Variants in PROM1 observed in about 807,000 individuals in gnomAD.
PROM1 encodes prominin 1, also known as prominin-1.
Under a neutral mutation model 116.9 loss-of-function variants are expected in PROM1, and 105 were observed. That is an observed-to-expected ratio of 0.90 (90% CI 0.77 to 1.06). PROM1 has a LOEUF of 1.06. Ranked by LOEUF, PROM1 falls within the 50% of genes least tolerant of loss-of-function variation. The pLI, the probability that PROM1 is intolerant of heterozygous loss-of-function variation, is 0.00. For missense variants in PROM1, 1,122 were observed against 1,045.2 expected, an observed-to-expected ratio of 1.07 and a Z score of -1.01; for synonymous variants, 393 against 387.0, an observed-to-expected ratio of 1.02 and a Z score of -0.18.
At chr4:16,018,927 C>G (rs1190054747) in intron 8 of PROM1, among the ~76,000 whole-genome samples, 1 of 152,274 alleles carries the variant, frequency 6.6e-6, no homozygotes, top group East Asian at 1.9e-4. Flanking sequence ...TGGATTACGC[C>G]CAGATATATT....
rs1441713638 is a variant in PROM1, at chr4:15,996,617, G to A, written c.1682+1768C>T. Reference sequence around the variant, plus strand: ...TTGGCTACAGGAACTAATGACCATTGATTAATTAAATGTGTGCATATTTCA... The same window carrying A: ...TTGGCTACAGGAACTAATGACCATTAATTAATTAAATGTGTGCATATTTCA... On this transcript the variant is annotated intron_variant, in intron 15 of 27. Coordinates refer to ENST00000447510, the MANE Select transcript of PROM1 (RefSeq NM_006017.3). Among the ~76,000 whole-genome samples the A allele has an allele frequency of 2.6e-5, 4 of 152,154 alleles. No individual in the cohort carries two copies. In the East Asian group the frequency reaches 7.7e-4, roughly 29 times the overall value.
intron 14 of PROM1, among the ~76,000 whole-genome samples, chr4:15,999,113 T>C (rs1394295850): frequency 6.6e-6 from 1 of 152,154 alleles, no homozygotes; most frequent in Non-Finnish European, 1.5e-5. Context: ...GAATAGCTAA[T>C]ATACAGCCAT....
chr4:15,988,999 C>T (rs1345855691), intron 19 of PROM1, among the ~76,000 whole-genome samples: 1 of 152,130 alleles, frequency 6.6e-6, no homozygotes, highest in African/African-American at 2.4e-5. Flanking sequence ...ACACTTCTCT[C>T]CTTGATGGCT....
intron 2 of PROM1, among the ~76,000 whole-genome samples, chr4:16,060,321 T>TG (rs1184466963): frequency 4.6e-5 from 7 of 151,816 alleles, no homozygotes; most frequent in Non-Finnish European, 1.0e-4. Context: ...TTTTTTTTTT[T>TG]TCCTTTGGGA....
intron 5 of PROM1, 115 bp from the exon 6 acceptor site, chr4:16,025,427 TCCTCTCCCGCTGC>T (rs2149343537): frequency 7.6e-7 from 1 of 1,310,238 alleles, no homozygotes; most frequent in South Asian, 1.4e-5. Flanking sequence ...GACTGGCCTT[TCCTCTCCCGCTGC>T]CCTCTCCTCC....
At chr4:16,012,714 C>CA (rs1449628006) in intron 11 of PROM1, among the ~76,000 whole-genome samples, 1 of 151,382 alleles carries the variant, frequency 6.6e-6, no homozygotes, top group East Asian at 1.9e-4. Flanking sequence ...ACTAAAAATA[C>CA]AAAAAAATTA....
intron 2 of PROM1, 33 bp downstream of exon 2, chr4:16,075,654 T>C (rs1560626748): frequency 2.5e-6 from 4 of 1,570,874 alleles, no homozygotes; most frequent in South Asian, 2.3e-5. Flanking sequence ...CGTTTGGAGA[T>C]AAATCCTATC....
At chr4:16,017,905 T>TTTAC (rs1728800824) in intron 9 of PROM1, among the ~76,000 whole-genome samples, 1 of 152,234 alleles carries the variant, frequency 6.6e-6, no homozygotes, top group Admixed American at 6.5e-5. Flanking sequence ...TCTCAGAACT[T>TTTAC]CATGTAATCC....
chr4:16,042,981 G>A (rs564913621), intron 2 of PROM1, among the ~76,000 whole-genome samples: 17 of 152,272 alleles, frequency 1.1e-4, no homozygotes. Flanking sequence ...TTTGCTTTTG[G>A]AAACTATAGT....
intron 17 of PROM1, 76 bp downstream of exon 17, chr4:15,992,172 T>C (rs1416916130): frequency 9.5e-6 from 15 of 1,570,868 alleles, no homozygotes; most frequent in Non-Finnish European, 1.3e-5. Flanking sequence ...TAATAAAAAA[T>C]CAAAAGCAAA....
At chr4:15,998,283 G>A in intron 15 of PROM1, 102 bp downstream of exon 15, 2 of 1,423,152 alleles carry the variant, frequency 1.4e-6, no homozygotes, top group African/African-American at 1.5e-5. Flanking sequence ...TCTGAAACAT[G>A]AAAGTCATAT....
At chr4:16,065,500 C>T (rs1741316799) in intron 2 of PROM1, among the ~76,000 whole-genome samples, 1 of 152,170 alleles carries the variant, frequency 6.6e-6, no homozygotes, top group Non-Finnish European at 1.5e-5. Flanking sequence ...CACGGACTAG[C>T]CTGCCCTGTG....
At chr4:16,007,483 A>G (rs755286991) in intron 12 of PROM1, among the ~76,000 whole-genome samples, 1 of 152,230 alleles carries the variant, frequency 6.6e-6, no homozygotes, top group Non-Finnish European at 1.5e-5. Context: ...ACCAAGCAGC[A>G]CCACTGAAGC....
intron 2 of PROM1, among the ~76,000 whole-genome samples, chr4:16,059,389 G>A (rs561573152): frequency 7.2e-5 from 11 of 152,282 alleles, no homozygotes; most frequent in African/African-American, 2.6e-4. Context: ...TTTATGGAGT[G>A]CCATTAGGTG....
In PROM1 at chr4:15,968,735, A is replaced by G. The variant is rs1713662892; in HGVS notation, c.*658T>C. 6.6e-6 allele frequency: 1 copy of G among 152,348 alleles called. No homozygotes were observed. The highest frequency in any genetic ancestry group is 3.4e-3 in the Middle Eastern group (1 of 294). 9.4% of individuals were successfully genotyped at this position (152,348 alleles called of 1,614,324 possible). On this transcript the variant is annotated 3_prime_UTR_variant, in exon 28 of 28. Coordinates refer to ENST00000447510, the MANE Select transcript of PROM1 (RefSeq NM_006017.3). ...CAGGTTTCTCTATGATTGCTTTTGCATGCCATTTCCAAGTGGAACATGGCC... is the reference window on the plus strand; with the variant it reads ...CAGGTTTCTCTATGATTGCTTTTGCGTGCCATTTCCAAGTGGAACATGGCC...
intron 5 of PROM1, 148 bp downstream of exon 5, chr4:16,033,156 C>T (rs1733140091): frequency 7.6e-6 from 5 of 660,886 alleles, no homozygotes; most frequent in South Asian, 4.8e-5. Context: ...TCTAGACAAG[C>T]GCTTGTGCTC....
At chr4:16,017,387 C>T (rs1265500537) in intron 9 of PROM1, among the ~76,000 whole-genome samples, 1 of 152,134 alleles carries the variant, frequency 6.6e-6, no homozygotes, top group East Asian at 1.9e-4. Flanking sequence ...TCAGTTGCAA[C>T]TAAGCTCTAA....
At chr4:16,039,025 CA>C (rs1734578511) in intron 2 of PROM1, 24 bp from the exon 3 acceptor site, 2 of 1,456,418 alleles carry the variant, frequency 1.4e-6, no homozygotes, top group African/African-American at 2.9e-5. Flanking sequence ...CACAAAATAG[CA>C]ATATTATTTT....
intron 26 of PROM1, among the ~76,000 whole-genome samples, chr4:15,976,789 G>A (rs1001352576): frequency 1.3e-5 from 2 of 152,168 alleles, no homozygotes; most frequent in African/African-American, 4.8e-5. Context: ...CTGCTTCTCA[G>A]GGAGCCGTGG....
Sources: allele counts gnomAD v4.1 joint callset (sites outside exome capture counted in the v4.1 genomes callset), GRCh38; gene constraint gnomAD v4.1.1; transcripts MANE v1.5; gene names NCBI Gene and HGNC (gene_info 2026-07-23, HGNC 2026-07-21).